The following EEF1AKMT1 variants were observed in gnomAD, a reference collection of about 807,000 sequenced individuals.
EEF1AKMT1 encodes N-6 adenine-specific DNA methyltransferase 2 (putative).
Under a neutral mutation model 21.0 loss-of-function variants are expected in EEF1AKMT1, and 18 were observed. The ratio of observed to expected loss-of-function variants is 0.86; its 90% confidence interval spans 0.59 to 1.27. EEF1AKMT1 has a LOEUF of 1.27. Ranked by LOEUF, EEF1AKMT1 falls within the 50% of genes most tolerant of loss-of-function variation. EEF1AKMT1 has a pLI of 0.00. For synonymous variants in EEF1AKMT1, 109 were observed against 94.8 expected (o/e 1.15, Z -0.87); for missense variants, 246 against 258.6 (o/e 0.95, Z 0.33).
chr13:20,761,892 C>G (rs548898126), intron 1 of EEF1AKMT1, among the ~76,000 whole-genome samples: 1 of 152,058 alleles, frequency 6.6e-6, no homozygotes, highest in Non-Finnish European at 1.5e-5. Context: ...ATCACTTGAG[C>G]CTAGGAGCAG....
At chr13:20,731,303 G>C (rs1418909763) in intron 4 of EEF1AKMT1, among the ~76,000 whole-genome samples, 7 of 152,124 alleles carry the variant, frequency 4.6e-5, no homozygotes, top group African/African-American at 1.7e-4. Context: ...TACCATATCT[G>C]CCTTAAGTGT....
chr13:20,758,397 C>A (rs1041605257), intron 1 of EEF1AKMT1, among the ~76,000 whole-genome samples: 29 of 152,268 alleles, frequency 1.9e-4, no homozygotes, highest in African/African-American at 6.7e-4. Context: ...CCTTTCTGGA[C>A]CAAACCAATA....
chr13:20,764,880 A>AACACATACAC (rs2059019249), intron 1 of EEF1AKMT1, among the ~76,000 whole-genome samples: 1 of 139,826 alleles, frequency 7.2e-6, no homozygotes, highest in African/African-American at 2.7e-5. Context: ...TTTCACTTTC[A>AACACATACAC]ACACACACAC....
chr13:20,754,519 G>A (rs916653735), intron 2 of EEF1AKMT1, among the ~76,000 whole-genome samples: 17 of 152,092 alleles, frequency 1.1e-4, no homozygotes, highest in Non-Finnish European at 2.1e-4. Context: ...ATCTGGATGT[G>A]TTAATCTCTT....
rs1427444730 is a variant in EEF1AKMT1, at chr13:20,729,057, C to T, written c.*23G>A. On this transcript the variant is annotated 3_prime_UTR_variant, in exon 5 of 5. Transcript: ENST00000382758. ...AAGAGGAATGTGACAGGGTTCCTTC[C>T]TGTGTTATGTCACCGTCTGTAATCA... 2 of 1,613,848 alleles carry T rather than the reference C, an allele frequency of 1.2e-6. No individual in the cohort carries two copies. The highest frequency in any genetic ancestry group is 1.1e-5 in the South Asian group (1 of 91,040).
At chr13:20,769,334 C>G (rs2059052024) in intron 1 of EEF1AKMT1, 1 of 152,176 alleles carries the variant, frequency 6.6e-6, no homozygotes, top group South Asian at 2.1e-4. Flanking sequence ...TTCTGACTCC[C>G]TTTGCTGCTT....
At chr13:20,769,322 T>C (rs930805163) in intron 1 of EEF1AKMT1, 1 of 152,242 alleles carries the variant, frequency 6.6e-6, no homozygotes, top group East Asian at 1.9e-4. Context: ...TGGAATAATC[T>C]GTTCTGACTC....
Position 20,728,951 on chromosome 13 carries a change from T to C in EEF1AKMT1, c.*129A>G. ...AATAATGAAGATCGCACACTTTATT[T>C]TGAAAACCAGGCCAGGGACAGCTCC... On this transcript the variant is annotated 3_prime_UTR_variant, in exon 5 of 5. Transcript: ENST00000382758. 7.9e-7 allele frequency: 1 copy of C among 1,265,210 alleles called. No homozygotes were observed. Among genetic ancestry groups the C allele is most frequent in the South Asian group, 1.4e-5 (1 of 71,940 alleles). The allele number at this position is 1,265,210 out of a possible 1,614,324, so 78.4% of individuals were successfully genotyped here.
At position 20,732,117 on chromosome 13, in the gene EEF1AKMT1, C is replaced by T; in HGVS notation, c.232G>A (p.Ala78Thr). 3.1e-6 allele frequency: 5 copies of T among 1,606,600 alleles called. No individual in the cohort carries two copies. Among genetic ancestry groups the T allele is most frequent in the African/African-American group, 1.3e-5 (1 of 74,602 alleles). Reference protein sequence around the residue: ...IAAVGEGGRIACVSAPSVYQK... With the variant: ...IAAVGEGGRITCVSAPSVYQK... Reference sequence around the variant, plus strand: ...TAAACACTAGGGGCACTCACACATGCGATTCTAGGAGACAAAATGAACACA... The same window carrying T: ...TAAACACTAGGGGCACTCACACATGTGATTCTAGGAGACAAAATGAACACA... Residue 78 changes from alanine to threonine, a missense_variant, in exon 4 of 5, where the codon GCA becomes ACA. Ala to Thr is a moderately conservative substitution (Grantham distance 58, BLOSUM62 0). Transcript: ENST00000382758.
At chr13:20,770,659 G>A (rs2059057965) in intron 1 of EEF1AKMT1, among the ~76,000 whole-genome samples, 1 of 152,168 alleles carries the variant, frequency 6.6e-6, no homozygotes, top group Non-Finnish European at 1.5e-5. Flanking sequence ...TTTCAGAACT[G>A]TGAGTTCTTT....
rs2059064705 is a variant in EEF1AKMT1, at chr13:20,771,929, T to G, written c.-20+1992A>C. On this transcript the variant is annotated intron_variant, in intron 1 of 4. Coordinates refer to ENST00000382758, the MANE Select transcript of EEF1AKMT1 (RefSeq NM_001318939.2). Reference sequence around the variant, plus strand: ...AGGAGGCTGAGACAGGAGAATCGCTTGAACCCAGGAGATGGAGGTTGCAGT... The same window carrying G: ...AGGAGGCTGAGACAGGAGAATCGCTGGAACCCAGGAGATGGAGGTTGCAGT... Among the ~76,000 whole-genome samples, 6 of 152,018 alleles carry G rather than the reference T, an allele frequency of 3.9e-5. No homozygotes were observed. The South Asian group carries it at 1.2e-3, about 32-fold the overall frequency.
intron 1 of EEF1AKMT1, among the ~76,000 whole-genome samples, chr13:20,763,069 G>A (rs35746167): frequency 0.041 from 6,307 of 152,004 alleles, 314 homozygotes; most frequent in African/African-American, 0.11. Flanking sequence ...TGAGGATTTC[G>A]TCACCTATCT....
Position 20,757,527 on chromosome 13 carries a change from A to G in EEF1AKMT1, c.72T>C (p.Tyr24=), listed in dbSNP as rs377610547. 2 of 1,614,034 alleles carry G rather than the reference A, an allele frequency of 1.2e-6. No homozygotes were observed. The highest frequency in any genetic ancestry group is 1.7e-6 in the Non-Finnish European group (2 of 1,180,022). Residue 24 remains tyrosine, a synonymous_variant, in exon 2 of 5, where the codon TAT becomes TAC. Transcript: ENST00000382758. ...AHALAALQEF[Y]AEQKQQIEPG... ...GCTCAATTTGTTGCTTTTGCTCAGC[A>G]TAAAATTCCTGGAGAGCTGCTAAGG...
chr13:20,729,730 C>T (rs1165515127), intron 4 of EEF1AKMT1, among the ~76,000 whole-genome samples: 1 of 152,142 alleles, frequency 6.6e-6, no homozygotes. Context: ...GTGGCATCCA[C>T]AGCCCTGATT....
At chr13:20,743,151 C>T (rs2058881932) in intron 2 of EEF1AKMT1, among the ~76,000 whole-genome samples, 1 of 152,090 alleles carries the variant, frequency 6.6e-6, no homozygotes, top group African/African-American at 2.4e-5. Flanking sequence ...ACTACAACCT[C>T]CACCTCCGAA....
intron 1 of EEF1AKMT1, among the ~76,000 whole-genome samples, chr13:20,769,731 T>TA: frequency 6.6e-6 from 1 of 152,062 alleles, no homozygotes; most frequent in Non-Finnish European, 1.5e-5. Flanking sequence ...TCAAATGACT[T>TA]ATTTTTCAAC....
intron 1 of EEF1AKMT1, among the ~76,000 whole-genome samples, chr13:20,765,081 G>A (rs375036229): frequency 1.3e-5 from 2 of 151,826 alleles, no homozygotes; most frequent in Admixed American, 6.6e-5. Context: ...TCAACATAAC[G>A]AAACCCCGTC....
At chr13:20,759,448 C>A (rs542129809) in intron 1 of EEF1AKMT1, among the ~76,000 whole-genome samples, 5 of 151,886 alleles carry the variant, frequency 3.3e-5, no homozygotes, top group Admixed American at 3.3e-4. Context: ...GGCATGGTGG[C>A]GGGCATCTGT....
chr13:20,729,048 G>C lies in EEF1AKMT1; in HGVS notation c.*32C>G. ...AAATACAAAAAGAGGAATGTGACAG[G>C]GTTCCTTCCTGTGTTATGTCACCGT... On this transcript the variant is annotated 3_prime_UTR_variant, in exon 5 of 5. Coordinates refer to ENST00000382758, the MANE Select transcript of EEF1AKMT1 (RefSeq NM_001318939.2). 6.2e-7 allele frequency: 1 copy of C among 1,612,736 alleles called. No individual in the cohort carries two copies. The highest frequency in any genetic ancestry group is 8.5e-7 in the Non-Finnish European group (1 of 1,178,960).
Sources: gnomAD v4.1 joint callset for allele counts (sites outside exome capture counted in the v4.1 genomes callset) on GRCh38, gnomAD v4.1.1 for gene constraint, MANE v1.5 for transcripts, NCBI Gene and HGNC (gene_info 2026-07-23, HGNC 2026-07-21) for gene names.